MVD: variants seen among roughly 807,000 people sequenced by gnomAD.
MVD encodes the protein diphosphomevalonate decarboxylase.
In MVD, 52 loss-of-function variants were observed where a neutral mutation model predicts 42.4. The observed-to-expected ratio is 1.23, with a 90% confidence interval of 0.98 to 1.55. The LOEUF (loss-of-function observed/expected upper bound fraction) is 1.55, where lower values mean the gene tolerates loss of function less well. MVD is among the 40% of genes most tolerant of loss of function. The pLI is 0.00. For missense variants in MVD, 663 were observed against 572.1 expected (o/e 1.16, Z -1.62); for synonymous variants, 287 against 243.2 (o/e 1.18, Z -1.68).
intron 8 of MVD, among the ~76,000 whole-genome samples, chr16:88,654,024 C>T (rs186427556): frequency 6.8e-4 from 103 of 152,166 alleles, no homozygotes; most frequent in Non-Finnish European, 9.9e-4. Flanking sequence ...AATAAGACAC[C>T]ATGAAAACAC....
At chr16:88,654,217 G>C (rs1597377151) in intron 8 of MVD, among the ~76,000 whole-genome samples, 1 of 152,106 alleles carries the variant, frequency 6.6e-6, no homozygotes, top group East Asian at 1.9e-4. Context: ...AGATGCAGCT[G>C]CCGGACCCCA....
In MVD at chr16:88,657,575, G is replaced by A. The variant is rs1226734901; in HGVS notation, c.264C>T (p.Cys88=). ...GTGAGTTCCTCCGCTTCCGGGCCAGGCAGCGGACTGCAGAGACAATGAGAC... is the reference window on the plus strand; with the variant it reads ...GTGAGTTCCTCCGCTTCCGGGCCAGACAGCGGACTGCAGAGACAATGAGAC... ...RLQACLREIR[C]LARKRRNSRD... is the part of the protein sequence containing the mutation. Residue 88 remains cysteine (C), a synonymous_variant, in exon 4 of 10, where the codon TGC becomes TGT. Coordinates refer to ENST00000301012, the MANE Select transcript of MVD (RefSeq NM_002461.3). The A allele has an allele frequency of 6.2e-7, 1 of 1,612,350 alleles. No individual in the cohort carries two copies. Among genetic ancestry groups the A allele is most frequent in the East Asian group, 2.2e-5 (1 of 44,868 alleles).
chr16:88,657,209 G>C (rs1328044767), intron 4 of MVD: 2 of 713,028 alleles, frequency 2.8e-6, no homozygotes, highest in South Asian at 3.0e-5. Context: ...AGCCTCTTAA[G>C]TACTGGGATT....
chr16:88,658,268 CA>C (rs1260476253), intron 2 of MVD, among the ~76,000 whole-genome samples: 3 of 152,168 alleles, frequency 2.0e-5, no homozygotes, highest in Non-Finnish European at 2.9e-5. Context: ...CGGGGACTCC[CA>C]GGGGAGCCCC....
intron 1 of MVD, chr16:88,662,279 G>A (rs1908352472): frequency 6.5e-6 from 1 of 154,022 alleles, no homozygotes; most frequent in South Asian, 1.8e-4. Flanking sequence ...GCAACAGAGG[G>A]GCAAAGCACT....
intron 1 of MVD, among the ~76,000 whole-genome samples, chr16:88,661,136 T>C (rs1908266112): frequency 6.6e-6 from 1 of 151,940 alleles, no homozygotes; most frequent in South Asian, 2.1e-4. Context: ...ATAGCCTTTC[T>C]GGGCTAACTG....
At chr16:88,662,667 G>A (rs2142917884) in intron 1 of MVD, 1 of 1,295,890 alleles carries the variant, frequency 7.7e-7, no homozygotes, top group Non-Finnish European at 9.9e-7. Context: ...TCAGCCTCCC[G>A]AGTAGCTGGA....
At chr16:88,653,532 G>C in intron 8 of MVD, 124 bp from the exon 9 acceptor site, 2 of 770,966 alleles carry the variant, frequency 2.6e-6, no homozygotes, top group Non-Finnish European at 4.0e-6. Flanking sequence ...GGGAGGGGGA[G>C]ACGGCAGGTG....
rs756199786 is a variant in MVD at position 88,656,072 on chromosome 16, G to A, written c.603+33C>T. The stretch of plus-strand genomic sequence containing the variant: ...GCCCTGACTAGGGACAGAGGCCACC[G>A]GGCTGCTGCTCCACCCGCCCCACCC... On this transcript the variant is annotated intron_variant, in intron 5 of 9. Transcript: ENST00000301012. 309 of 1,540,670 alleles carry A rather than the reference G, an allele frequency of 2.0e-4. 2 individuals carry two copies. Among genetic ancestry groups the A allele is most frequent in the Admixed American group, 1.9e-3 (108 of 57,744 alleles).
intron 3 of MVD, 58 bp downstream of exon 3, chr16:88,657,856 TG>T: frequency 6.4e-7 from 1 of 1,551,046 alleles, no homozygotes; most frequent in Non-Finnish European, 8.9e-7. Flanking sequence ...AAGCACTTTC[TG>T]GATGCTCGGA....
At chr16:88,653,463 A>G in intron 8 of MVD, 55 bp from the exon 9 acceptor site, 1 of 1,398,640 alleles carries the variant, frequency 7.1e-7, no homozygotes, top group Non-Finnish European at 9.7e-7. Context: ...AAGCGTCTAC[A>G]ACAGTCTACA....
rs147999959 is a variant in MVD, at chr16:88,657,905, C to T, written c.256+10G>A. 3.2e-5 allele frequency: 51 copies of T among 1,612,234 alleles called. No individual in the cohort carries two copies. The highest frequency in any genetic ancestry group is 4.2e-5 in the Non-Finnish European group (49 of 1,179,308). ...CAGGGAGGGATGGGCTTATGGGGAC[C>T]CCAGCTCACTCTCCCGCAGGCAGGC... On this transcript the variant is annotated intron_variant, in intron 3 of 9. Coordinates refer to ENST00000301012, the MANE Select transcript of MVD (RefSeq NM_002461.3).
At chr16:88,652,694 C>T (rs936288813) in intron 9 of MVD, 89 bp from the exon 10 acceptor site, 28 of 1,263,672 alleles carry the variant, frequency 2.2e-5, no homozygotes, top group African/African-American at 1.9e-4. Context: ...AGGAGGGTAG[C>T]GGTGTGCCCC....
chr16:88,654,063 C>T (rs940236675), intron 8 of MVD, among the ~76,000 whole-genome samples: 5 of 152,050 alleles, frequency 3.3e-5, no homozygotes, highest in African/African-American at 7.2e-5. Flanking sequence ...AGCCCCGGGG[C>T]GTAAGGAGGC....
chr16:88,659,298 G>T (rs550499373), intron 1 of MVD: 1 of 169,554 alleles, frequency 5.9e-6, no homozygotes, highest in Non-Finnish European at 1.3e-5. Flanking sequence ...TGAGGATGGC[G>T]GACAGTTCCA....
At chr16:88,657,868 C>G (rs760020426) in intron 3 of MVD, 47 bp downstream of exon 3, 1 of 1,578,772 alleles carries the variant, frequency 6.3e-7, no homozygotes, top group South Asian at 1.1e-5. Context: ...GATGCTCGGA[C>G]CCTGCTGACA....
rs987905779 is a variant in MVD, at chr16:88,655,394, G to A, written c.702C>T (p.Pro234=). The change falls in exon 7 of 10, where the codon CCC becomes CCT. Residue 234 remains proline (P), a synonymous_variant. Transcript: ENST00000301012. ...AGCGGGCCATCTCCGCCATGCGCGCGGGCACCACGGACTCGGCCCGGAACT... is the reference window on the plus strand; with the variant it reads ...AGCGGGCCATCTCCGCCATGCGCGCAGGCACCACGGACTCGGCCCGGAACT... ...LLRFRAESVV[P]ARMAEMARCI... The A allele has an allele frequency of 3.2e-6, 5 of 1,586,930 alleles. No individual in the cohort carries two copies. The highest frequency in any genetic ancestry group is 2.3e-5 in the East Asian group (1 of 43,606).
chr16:88,658,006 G>A lies in MVD; in HGVS notation c.165C>T (p.Val55=), dbSNP rs766384128. The A allele has an allele frequency of 1.2e-5, 19 of 1,614,094 alleles. No homozygotes were observed. The South Asian group carries it at 2.1e-4, about 18-fold the overall frequency. ...QDQLKTTTTA[V]ISKDFTEDRI... ...GGTCCTCGGTGAAGTCCTTGCTGAT[G>A]ACGGCTGTTGTGGTGGTTTTTAACT... The change falls in exon 3 of 10, where the codon GTC becomes GTT. Residue 55 remains valine, a synonymous_variant. Coordinates refer to ENST00000301012, the MANE Select transcript of MVD (RefSeq NM_002461.3).
rs916426612 is a variant in MVD at position 88,658,716 on chromosome 16, G to T, written c.75C>A (p.Gly25=). 11 of 1,611,572 alleles carry T rather than the reference G, an allele frequency of 6.8e-6. No individual in the cohort carries two copies. The highest frequency in any genetic ancestry group is 8.5e-6 in the Non-Finnish European group (10 of 1,179,074). ...GCAGAACCAGCTCTTCATCGCGCTTGCCCCCTGTAATGAACAGCCAGGGCC... is the reference window on the plus strand; with the variant it reads ...GCAGAACCAGCTCTTCATCGCGCTTTCCCCCTGTAATGAACAGCCAGGGCC... The part of the protein sequence containing the change: ...PVNIAVIKYW[G]KRDEELVLPI... Residue 25 remains glycine, a synonymous_variant, in exon 2 of 10, where the codon GGC becomes GGA. Coordinates refer to ENST00000301012, the MANE Select transcript of MVD (RefSeq NM_002461.3).
Sources: gnomAD v4.1 joint callset for allele counts (sites outside exome capture counted in the v4.1 genomes callset) on GRCh38, gnomAD v4.1.1 for gene constraint, MANE v1.5 for transcripts, NCBI Gene and HGNC (gene_info 2026-07-23, HGNC 2026-07-21) for gene names.